Variants in SQOR observed in about 807,000 individuals in gnomAD.
SQOR encodes sulfide:quinone oxidoreductase, mitochondrial.
In SQOR, 39 loss-of-function variants were observed where a neutral mutation model predicts 48.6. That is an observed-to-expected ratio of 0.80 (90% confidence interval 0.62 to 1.05). The LOEUF (loss-of-function observed/expected upper bound fraction) is 1.05. Ranked by LOEUF, SQOR falls within the 50% of genes least tolerant of loss-of-function variation. The pLI is 0.00. For synonymous variants in SQOR, 220 were observed against 206.2 expected, an observed-to-expected ratio of 1.07 and a Z score of -0.57; for missense variants, 561 against 559.9, an observed-to-expected ratio of 1.00 and a Z score of -0.02.
At chr15:45,654,582 T>C (rs777234719) in intron 1 of SQOR, among the ~76,000 whole-genome samples, 113 of 152,192 alleles carry the variant, frequency 7.4e-4, no homozygotes, top group Middle Eastern at 3.4e-3. Flanking sequence ...AACCATGAAG[T>C]ATTAGACTGG....
At chr15:45,651,377 C>T (rs761306895) in intron 1 of SQOR, among the ~76,000 whole-genome samples, 3 of 152,188 alleles carry the variant, frequency 2.0e-5, no homozygotes, top group South Asian at 2.1e-4. Flanking sequence ...GGTTCCCGCC[C>T]GCGCCTCTCC....
chr15:45,658,733 G>C (rs1200984300), intron 1 of SQOR, among the ~76,000 whole-genome samples, 174 bp from the exon 2 acceptor site: 1 of 152,204 alleles, frequency 6.6e-6, no homozygotes, highest in Non-Finnish European at 1.5e-5. Flanking sequence ...GCTACCAATT[G>C]GGTGCTCTCA....
intron 9 of SQOR, 94 bp downstream of exon 9, chr15:45,689,311 T>C: frequency 8.0e-7 from 1 of 1,250,576 alleles, no homozygotes; most frequent in South Asian, 1.4e-5. Flanking sequence ...TTATTAGCAG[T>C]GACCAAGTGT....
intron 1 of SQOR, among the ~76,000 whole-genome samples, chr15:45,642,013 T>C (rs1380397811): frequency 1.3e-5 from 2 of 152,200 alleles, no homozygotes; most frequent in Non-Finnish European, 2.9e-5. Flanking sequence ...ATATTCCTGG[T>C]CTTTCCTGTT....
chr15:45,670,804 A>G (rs1225002038), intron 4 of SQOR, among the ~76,000 whole-genome samples: 2 of 152,214 alleles, frequency 1.3e-5, no homozygotes, highest in Non-Finnish European at 2.9e-5. Context: ...CAGAGAAGCT[A>G]CAAGTTGTTG....
intron 3 of SQOR, among the ~76,000 whole-genome samples, chr15:45,665,618 CTT>C (rs1889800358): frequency 1.3e-5 from 2 of 148,786 alleles, no homozygotes; most frequent in African/African-American, 5.0e-5. Flanking sequence ...GAGTCTCACT[CTT>C]TTGTCCAGGC....
At chr15:45,671,470 T>C (rs953871889) in intron 4 of SQOR, among the ~76,000 whole-genome samples, 3 of 152,150 alleles carry the variant, frequency 2.0e-5, no homozygotes, top group Non-Finnish European at 2.9e-5. Context: ...GAATCAAAAA[T>C]TGATTCTTTA....
chr15:45,667,675 T>A (rs898731648), intron 3 of SQOR, among the ~76,000 whole-genome samples: 2 of 152,190 alleles, frequency 1.3e-5, no homozygotes, highest in African/African-American at 2.4e-5. Context: ...TTAGACATAA[T>A]GAATATTATG....
chr15:45,677,039 TAAA>T (rs200916577), intron 6 of SQOR, among the ~76,000 whole-genome samples: 3 of 127,110 alleles, frequency 2.4e-5, no homozygotes, highest in African/African-American at 3.0e-5. Flanking sequence ...AGACTCCGTC[TAAA>T]AAAAAAAAAA....
At position 45,650,492 on chromosome 15, in the gene SQOR, CTCAAAGAGCGAGCAACAGCAAGATTTATG is replaced by C. The variant is rs537563269; in HGVS notation, c.-17-8414_-17-8386del. 2.0e-5 allele frequency among the ~76,000 whole-genome samples: 3 copies of C among 152,260 alleles called. No individual in the cohort carries two copies. The South Asian group carries it at 6.2e-4, about 32-fold the overall frequency. On this transcript the variant is annotated intron_variant, in intron 1 of 9. Transcript: ENST00000260324. ...CACATAAGGGTAATGCCAGTGTGGACTCAAAGAGCGAGCAACAGCAAGATTTATGGCAAAGAGCAAAAGAAGAAAGCATC... is the reference window on the plus strand; with the variant it reads ...CACATAAGGGTAATGCCAGTGTGGACGCAAAGAGCAAAAGAAGAAAGCATC...
intron 1 of SQOR, among the ~76,000 whole-genome samples, chr15:45,638,840 G>A (rs1895057762): frequency 6.6e-6 from 1 of 152,116 alleles, no homozygotes; most frequent in African/African-American, 2.4e-5. Context: ...AGGAGCACAT[G>A]TGCACAGAGA....
At chr15:45,668,315 T>C (rs919999469) in intron 3 of SQOR, among the ~76,000 whole-genome samples, 2 of 152,210 alleles carry the variant, frequency 1.3e-5, no homozygotes, top group Non-Finnish European at 1.5e-5. Flanking sequence ...CTTAGAGAAA[T>C]TGTACTTTTC....
intron 3 of SQOR, among the ~76,000 whole-genome samples, chr15:45,662,495 G>C (rs1306054868): frequency 6.6e-6 from 1 of 152,186 alleles, no homozygotes; most frequent in Middle Eastern, 3.4e-3. Flanking sequence ...ATTTTCTACC[G>C]GTCGCCTAGC....
chr15:45,634,650 A>G (rs1321265956), upstream of SQOR: 1 of 152,326 alleles, frequency 6.6e-6, no homozygotes, highest in East Asian at 1.9e-4. Context: ...AGGAGGACCC[A>G]GTGGGAACAG....
At chr15:45,680,267 G>A (rs1890104705) in intron 6 of SQOR, among the ~76,000 whole-genome samples, 2 of 151,902 alleles carry the variant, frequency 1.3e-5, no homozygotes, top group African/African-American at 2.4e-5. Context: ...GGTAATTTTT[G>A]TATTTTTTTA....
intron 3 of SQOR, among the ~76,000 whole-genome samples, chr15:45,667,118 C>T (rs1219678234): frequency 1.0e-5 from 1 of 96,070 alleles, no homozygotes; most frequent in Non-Finnish European, 2.1e-5. Flanking sequence ...TTCCTCCCTC[C>T]CCTCCCCTTC....
rs1489662550 is a variant in SQOR at position 45,659,162 on chromosome 15, G to A, written c.234+5G>A. The stretch of plus-strand genomic sequence containing the variant: ...GCCATTGTTGAGCCCAGTGAGGTAA[G>A]CCTCCCCTTTTGAGGGCCTGGGTGT... On this transcript the variant is annotated splice_donor_5th_base_variant and intron_variant, in intron 2 of 9. Transcript: ENST00000260324. 6 of 1,512,188 alleles carry A rather than the reference G, an allele frequency of 4.0e-6. No homozygotes were observed. The highest frequency in any genetic ancestry group is 5.3e-6 in the Non-Finnish European group (6 of 1,122,080). The allele number at this position is 1,512,188 out of a possible 1,614,324, so 93.7% of individuals were successfully genotyped here.
At chr15:45,659,817 G>T (rs553168322) in intron 2 of SQOR, among the ~76,000 whole-genome samples, 1 of 152,182 alleles carries the variant, frequency 6.6e-6, no homozygotes, top group Non-Finnish European at 1.5e-5. Flanking sequence ...AGGTACTGGG[G>T]TTAGAACGTC....
chr15:45,648,746 A>G (rs771202353), intron 1 of SQOR, among the ~76,000 whole-genome samples: 4 of 152,256 alleles, frequency 2.6e-5, no homozygotes, highest in Non-Finnish European at 4.4e-5. Flanking sequence ...CCAGACCAAC[A>G]GCTCACAGTA....
Sources: gnomAD v4.1 joint callset for allele counts (sites outside exome capture counted in the v4.1 genomes callset) on GRCh38, gnomAD v4.1.1 for gene constraint, MANE v1.5 for transcripts, NCBI Gene and HGNC (gene_info 2026-07-23, HGNC 2026-07-21) for gene names.